MCPH1: variants seen among roughly 807,000 people sequenced by gnomAD.
The protein encoded by MCPH1 is microcephalin.
In MCPH1, 104 loss-of-function variants were observed where a neutral mutation model predicts 84.5. The ratio of observed to expected loss-of-function variants is 1.23; its 90% confidence interval spans 1.05 to 1.45. MCPH1 has a LOEUF of 1.45. Ranked by LOEUF, MCPH1 falls within the 40% of genes most tolerant of loss-of-function variation. MCPH1 has a pLI of 0.00. For synonymous variants in MCPH1, 514 were observed against 366.8 expected, an observed-to-expected ratio of 1.40 and a Z score of -4.58; for missense variants, 1,498 against 1,005.7, an observed-to-expected ratio of 1.49 and a Z score of -6.62.
At chr8:6,456,299 G>A (rs192354204) in intron 9 of MCPH1, among the ~76,000 whole-genome samples, 12 of 152,240 alleles carry the variant, frequency 7.9e-5, no homozygotes, top group Admixed American at 2.6e-4. Context: ...ATGGCGTTGC[G>A]CACTGTGACT....
chr8:6,494,123 G>A (rs541047663), intron 11 of MCPH1: 1 of 152,126 alleles, frequency 6.6e-6, no homozygotes, highest in Admixed American at 6.5e-5. Flanking sequence ...ATTTTTTGTA[G>A]AGACAGAGTT....
At chr8:6,496,542 T>G (rs1359475116) in intron 11 of MCPH1, among the ~76,000 whole-genome samples, 1 of 118,046 alleles carries the variant, frequency 8.5e-6, no homozygotes, top group Non-Finnish European at 1.6e-5. Flanking sequence ...TTCCCCCGCC[T>G]TTTTCCTTTC....
chr8:6,495,787 TTACTCC>T (rs1399646159), intron 11 of MCPH1, among the ~76,000 whole-genome samples: 1 of 152,196 alleles, frequency 6.6e-6, no homozygotes, highest in Non-Finnish European at 1.5e-5. Context: ...GTGTCTAACT[TTACTCC>T]TAAAGTATCA....
At chr8:6,407,511 G>C (rs1357961887) in intron 1 of MCPH1, among the ~76,000 whole-genome samples, 1 of 152,158 alleles carries the variant, frequency 6.6e-6, no homozygotes, top group African/African-American at 2.4e-5. Context: ...GAGCCCAGGA[G>C]AGGGGAATAG....
intron 4 of MCPH1, among the ~76,000 whole-genome samples, chr8:6,433,868 C>T (rs900630420): frequency 6.6e-6 from 1 of 151,990 alleles, no homozygotes; most frequent in Non-Finnish European, 1.5e-5. Flanking sequence ...GTGCCTCTGT[C>T]TCCCCCCTCA....
At chr8:6,612,603 G>C (rs1237781330) in intron 12 of MCPH1, among the ~76,000 whole-genome samples, 1 of 152,254 alleles carries the variant, frequency 6.6e-6, no homozygotes, top group African/African-American at 2.4e-5. Context: ...CGGCACCGCT[G>C]GTTGCGGGCC....
intron 3 of MCPH1, among the ~76,000 whole-genome samples, chr8:6,430,292 C>G (rs895285256): frequency 2.0e-5 from 3 of 152,228 alleles, no homozygotes; most frequent in Non-Finnish European, 4.4e-5. Flanking sequence ...CAGTTGCCTT[C>G]TCATATCTGC....
At chr8:6,567,067 C>T (rs7838154) in intron 12 of MCPH1, among the ~76,000 whole-genome samples, 4,824 of 136,550 alleles carry the variant, frequency 0.035, 206 homozygotes, top group East Asian at 0.067. Context: ...GGATAGTGCA[C>T]GCGGTGTGGT....
chr8:6,410,532 A>G (rs746257023), intron 2 of MCPH1, among the ~76,000 whole-genome samples: 4 of 152,188 alleles, frequency 2.6e-5, no homozygotes, highest in Non-Finnish European at 4.4e-5. Context: ...CAGATTTACT[A>G]TCACGTACTG....
At chr8:6,433,958 T>A (rs1420524534) in intron 4 of MCPH1, among the ~76,000 whole-genome samples, 2 of 152,116 alleles carry the variant, frequency 1.3e-5, no homozygotes, top group Non-Finnish European at 2.9e-5. Flanking sequence ...CATTGCGTTA[T>A]CTGTTCCCTC....
rs1273710168 is a variant in MCPH1 at position 6,447,539 on chromosome 8, T to A, written c.1825+1992T>A. On this transcript the variant is annotated intron_variant, in intron 8 of 13. Coordinates refer to ENST00000344683, the MANE Select transcript of MCPH1 (RefSeq NM_024596.5). Reference sequence around the variant, plus strand: ...AACTGAGCGAGAAACAATTTTGGTTTTGTTTTGTTTTGTTTTTTAGTTTTT... The same window carrying A: ...AACTGAGCGAGAAACAATTTTGGTTATGTTTTGTTTTGTTTTTTAGTTTTT... The A allele has an allele frequency of 5.3e-6, 3 of 562,188 alleles. No homozygotes were observed. The South Asian group carries it at 2.3e-4, about 44-fold the overall frequency. The allele number at this position is 562,188 out of a possible 1,614,324, so 34.8% of individuals were successfully genotyped here.
intron 9 of MCPH1, among the ~76,000 whole-genome samples, chr8:6,469,356 G>A (rs1807418955): frequency 1.3e-5 from 2 of 152,092 alleles, no homozygotes; most frequent in African/African-American, 2.4e-5. Flanking sequence ...GATCTCTTGG[G>A]TCCACAGACT....
intron 12 of MCPH1, among the ~76,000 whole-genome samples, chr8:6,565,797 G>A (rs1000389180): frequency 2.0e-5 from 3 of 152,132 alleles, no homozygotes; most frequent in Admixed American, 6.5e-5. Context: ...GAGAGCAGTC[G>A]GAGCACAAAG....
intron 11 of MCPH1, among the ~76,000 whole-genome samples, chr8:6,486,277 TC>T (rs1809901803): frequency 6.6e-6 from 1 of 151,962 alleles, no homozygotes; most frequent in African/African-American, 2.4e-5. Context: ...TCTCTCTCTC[TC>T]TCTCTCTCTC....
At chr8:6,414,566 G>A (rs1798991319) in intron 2 of MCPH1, among the ~76,000 whole-genome samples, 199 bp from the exon 3 acceptor site, 1 of 152,190 alleles carries the variant, frequency 6.6e-6, no homozygotes, top group Non-Finnish European at 1.5e-5. Flanking sequence ...TTTTTAGAGG[G>A]AGTAGATGTG....
chr8:6,520,326 G>C (rs1460958485), intron 12 of MCPH1, among the ~76,000 whole-genome samples: 1 of 152,094 alleles, frequency 6.6e-6, no homozygotes, highest in Non-Finnish European at 1.5e-5. Context: ...CTTTCATCTT[G>C]AGCAGAATAG....
At chr8:6,432,038 G>A (rs1208845345) in intron 4 of MCPH1, among the ~76,000 whole-genome samples, 1 of 152,168 alleles carries the variant, frequency 6.6e-6, no homozygotes, top group Non-Finnish European at 1.5e-5. Flanking sequence ...GATCAGTTCC[G>A]GGACCCCCAC....
At position 6,427,697 on chromosome 8, in the gene MCPH1, A is replaced by G. The variant is rs746376443; in HGVS notation, c.234-3802A>G. On this transcript the variant is annotated intron_variant, in intron 3 of 13. Transcript: ENST00000344683. ...ACCCGGCTCCTCCCATAAGTAAATA[A>G]TCTATCTCTCTGTTACTTGTGGTGG... Among the ~76,000 whole-genome samples, 54 of 152,096 alleles carry G rather than the reference A, an allele frequency of 3.6e-4. 1 individual carries two copies. Among genetic ancestry groups the G allele is most frequent in the Admixed American group, 1.5e-3 (23 of 15,262 alleles).
intron 12 of MCPH1, among the ~76,000 whole-genome samples, chr8:6,510,668 G>A (rs1004244434): frequency 2.6e-5 from 4 of 152,160 alleles, no homozygotes; most frequent in African/African-American, 9.7e-5. Flanking sequence ...CATGGAGGTA[G>A]GATTTGCACC....
Sources: allele counts gnomAD v4.1 joint callset (sites outside exome capture counted in the v4.1 genomes callset), GRCh38; gene constraint gnomAD v4.1.1; transcripts MANE v1.5; gene names NCBI Gene and HGNC (gene_info 2026-07-23, HGNC 2026-07-21).